Variants in PPFIA4 observed in about 807,000 individuals in gnomAD.
The protein encoded by PPFIA4 is PPFI scaffold protein A4, also known as liprin-alpha-4.
In PPFIA4, 98 loss-of-function variants were observed where a neutral mutation model predicts 145.7. The observed-to-expected ratio is 0.67, with a 90% CI of 0.57 to 0.80. The LOEUF (loss-of-function observed/expected upper bound fraction) is 0.80. Among genes scored for constraint, PPFIA4 ranks in the 30% least tolerant of loss-of-function variants. PPFIA4 has a pLI of 0.00. For synonymous variants in PPFIA4, 628 were observed against 649.6 expected (o/e 0.97, Z 0.51); for missense variants, 1,457 against 1,632.7 (o/e 0.89, Z 1.85).
At chr1:203,028,509 G>C (rs965784141) in intron 1 of PPFIA4, among the ~76,000 whole-genome samples, 4 of 152,156 alleles carry the variant, frequency 2.6e-5, no homozygotes, top group African/African-American at 9.7e-5. Flanking sequence ...TGTTAAGGGG[G>C]TTTTAAGATA....
chr1:203,058,064 G>T (rs1374987522), intron 19 of PPFIA4, among the ~76,000 whole-genome samples: 1 of 152,194 alleles, frequency 6.6e-6, no homozygotes, highest in African/African-American at 2.4e-5. Context: ...GAGTTCCCCT[G>T]AGGCAGTGGG....
intron 28 of PPFIA4, among the ~76,000 whole-genome samples, chr1:203,073,998 T>C (rs1402415923): frequency 6.6e-6 from 1 of 152,150 alleles, no homozygotes; most frequent in East Asian, 1.9e-4. Flanking sequence ...GCTCAGAGGT[T>C]GGTGATACAT....
In PPFIA4 at chr1:203,055,408, G is replaced by C; in HGVS notation, c.1830-24G>C. 6.2e-7 allele frequency: 1 copy of C among 1,612,796 alleles called. No individual in the cohort carries two copies. Among genetic ancestry groups the C allele is most frequent in the Non-Finnish European group, 8.5e-7 (1 of 1,178,898 alleles). Reference sequence around the variant, plus strand: ...TGGTCCTGGCTGGGGCTAGTGGTGAGGTCTGGTTTTGCCTCCCTTCCAGGA... The same window carrying C: ...TGGTCCTGGCTGGGGCTAGTGGTGACGTCTGGTTTTGCCTCCCTTCCAGGA... On this transcript the variant is annotated intron_variant, in intron 15 of 29. Coordinates refer to ENST00000295706, the MANE Select transcript of PPFIA4 (RefSeq NM_001304331.2). This position sits in a 1 kb window ranked among gnomAD's most constrained non-coding sequence, Gnocchi z 4.8.
In PPFIA4 at chr1:203,039,099, G is replaced by A; in HGVS notation, c.91G>A (p.Val31Met). The change falls in exon 2 of 30, where the codon GTG (valine) becomes ATG (methionine). Residue 31 changes from valine (V) to methionine (M), a missense_variant. This residue lies in a region of PPFIA4 where 463 missense variants were observed against 459.8 expected (regional missense o/e 1.01). Coordinates refer to ENST00000295706, the MANE Select transcript of PPFIA4 (RefSeq NM_001304331.2). Reference protein sequence around the residue: ...DADANFEQLMVNMLDEREKLL... With the variant: ...DADANFEQLMMNMLDEREKLL... ...TGACGCCAACTTCGAGCAGCTGATG[G>A]TGAACATGCTGGACGAGCGGGAGAA... is the stretch of plus-strand genomic sequence containing the variant. 1.2e-6 allele frequency: 2 copies of A among 1,608,122 alleles called. No homozygotes were observed. The highest frequency in any genetic ancestry group is 1.7e-6 in the Non-Finnish European group (2 of 1,177,708).
rs974332656 is a variant in PPFIA4, at chr1:203,048,638, T to A, written c.1280T>A (p.Val427Glu). 6.2e-7 allele frequency: 1 copy of A among 1,603,952 alleles called. No homozygotes were observed. Among genetic ancestry groups the A allele is most frequent in the Non-Finnish European group, 8.5e-7 (1 of 1,176,292 alleles). ...CACAACAAGCGGCTGTCGGACACAG[T>A]GGACCGGCTGCTCAGCGAGTCCAAC... Reference protein sequence around the residue: ...EDHNKRLSDTVDRLLSESNER... With the variant: ...EDHNKRLSDTEDRLLSESNER... The change falls in exon 11 of 30, where the codon GTG (valine) becomes GAG (glutamate). Residue 427 changes from valine (V) to glutamate (E), a missense_variant. Physicochemically the swap from Val to Glu is moderately radical, Grantham distance 121. This residue lies in a region of PPFIA4 where 848 missense variants were observed against 1,046.7 expected (regional missense o/e 0.81). Coordinates refer to ENST00000295706, the MANE Select transcript of PPFIA4 (RefSeq NM_001304331.2). This position sits in a 1 kb window ranked among gnomAD's most constrained non-coding sequence, Gnocchi z 5.8.
intron 6 of PPFIA4, 119 bp downstream of exon 6, chr1:203,044,904 G>C (rs368829275): frequency 4.0e-5 from 33 of 832,126 alleles, no homozygotes; most frequent in African/African-American, 3.7e-4. Flanking sequence ...GGCTTTCTCT[G>C]ATATTCCCCC....
intron 27 of PPFIA4, among the ~76,000 whole-genome samples, chr1:203,069,654 A>G (rs1173245428): frequency 6.6e-6 from 1 of 151,538 alleles, no homozygotes; most frequent in Middle Eastern, 3.2e-3. Context: ...GGCTTGAATG[A>G]GGGTAGGGCT....
At chr1:203,061,215 C>T (rs145206700) in intron 23 of PPFIA4, among the ~76,000 whole-genome samples, 183 bp downstream of exon 23, 61 of 152,154 alleles carry the variant, frequency 4.0e-4, no homozygotes, top group Middle Eastern at 6.8e-3. Flanking sequence ...AGGCTGGGAG[C>T]GGAGCAGTTT....
chr1:203,044,161 C>T lies in PPFIA4; in HGVS notation c.501+66C>T. 3 of 1,478,302 alleles carry T rather than the reference C, an allele frequency of 2.0e-6. No individual in the cohort carries two copies. The South Asian group carries it at 4.0e-5, about 20-fold the overall frequency. The allele number at this position is 1,478,302 out of a possible 1,614,324, so 91.6% of individuals were successfully genotyped here. On this transcript the variant is annotated intron_variant, in intron 4 of 29. Coordinates refer to ENST00000295706, the MANE Select transcript of PPFIA4 (RefSeq NM_001304331.2). ...CCCTGGAGCCTCCCATGTATCCCTT[C>T]TCTGAGATTTCCACATCCGGTATTT...
chr1:203,067,059 G>C (rs143666192), intron 25 of PPFIA4, among the ~76,000 whole-genome samples: 4 of 152,324 alleles, frequency 2.6e-5, no homozygotes, highest in Non-Finnish European at 4.4e-5. Context: ...GACTGAGAAG[G>C]TGACATTTAA....
At chr1:203,049,552 T>C (rs1054360759) in intron 12 of PPFIA4, 124 bp from the exon 13 acceptor site, 8 of 841,960 alleles carry the variant, frequency 9.5e-6, no homozygotes, top group African/African-American at 1.8e-5. Context: ...CTTTGGACTT[T>C]GCAGTACATT....
rs752558548 is a variant in PPFIA4 at position 203,068,807 on chromosome 1, C to T, written c.3324+179C>T. Among the ~76,000 whole-genome samples, 3 of 152,172 alleles carry T rather than the reference C, an allele frequency of 2.0e-5. No individual in the cohort carries two copies. The highest frequency in any genetic ancestry group is 4.4e-5 in the Non-Finnish European group (3 of 68,024). ...CAAGTGATCGCTGTGCATAAGCAAG[C>T]CCTCATGGGAACACATGGCCTTCAC... On this transcript the variant is annotated intron_variant, in intron 27 of 29. Coordinates refer to ENST00000295706, the MANE Select transcript of PPFIA4 (RefSeq NM_001304331.2). The surrounding 1 kb of genome is among the most constrained non-coding windows in gnomAD (Gnocchi z 4.7).
In PPFIA4 at chr1:203,056,959, C is replaced by T. The variant is rs772686579; in HGVS notation, c.2407+9C>T. 10 of 1,613,642 alleles carry T rather than the reference C, an allele frequency of 6.2e-6. 1 individual carries two copies. The South Asian group carries it at 1.1e-4, about 18-fold the overall frequency. On this transcript the variant is annotated intron_variant, in intron 19 of 29. Transcript: ENST00000295706. ...TGGAGCCACAGGCCATGGTCTCTGT[C>T]CCCTTCCTAACGGAGGTCTGGGCGG...
chr1:203,073,432 G>A lies in PPFIA4; in HGVS notation c.3393+1672G>A, dbSNP rs149686633. 6.4e-3 allele frequency among the ~76,000 whole-genome samples: 975 copies of A among 152,300 alleles called. 15 individuals are homozygous for A. Among genetic ancestry groups the A allele is most frequent in the African/African-American group, 0.022 (933 of 41,550 alleles). ...AGTGGAGTTTTTGGGATTCAACTAGGTGTGGGCTAGAGAGGAGGGTTTTTG... is the reference window on the plus strand; with the variant it reads ...AGTGGAGTTTTTGGGATTCAACTAGATGTGGGCTAGAGAGGAGGGTTTTTG... On this transcript the variant is annotated intron_variant, in intron 28 of 29. Coordinates refer to ENST00000295706, the MANE Select transcript of PPFIA4 (RefSeq NM_001304331.2).
At chr1:203,035,142 C>G in intron 1 of PPFIA4, 2 of 364,576 alleles carry the variant, frequency 5.5e-6, no homozygotes, top group South Asian at 4.0e-5. Flanking sequence ...CCTCTCACCT[C>G]CAGCTGGGTG....
At chr1:203,034,148 G>C (rs999232958) in intron 1 of PPFIA4, among the ~76,000 whole-genome samples, 1 of 152,206 alleles carries the variant, frequency 6.6e-6, no homozygotes, top group Non-Finnish European at 1.5e-5. Flanking sequence ...TCACACACTG[G>C]AGGGATCAGA....
Position 203,048,743 on chromosome 1 carries a change from A to C in PPFIA4, c.1356+29A>C. 3 of 1,403,738 alleles carry C rather than the reference A, an allele frequency of 2.1e-6. No individual in the cohort carries two copies. Among genetic ancestry groups the C allele is most frequent in the South Asian group, 2.4e-5 (2 of 84,638 alleles). 87.0% of individuals were successfully genotyped at this position (1,403,738 alleles called of 1,614,324 possible). A position where few individuals can be genotyped will look rare whatever the true frequency, so the allele number is the denominator to read the frequency against. On this transcript the variant is annotated intron_variant, in intron 11 of 29. Coordinates refer to ENST00000295706, the MANE Select transcript of PPFIA4 (RefSeq NM_001304331.2). The surrounding 1 kb of genome is among the most constrained non-coding windows in gnomAD (Gnocchi z 5.8). Reference sequence around the variant, plus strand: ...CCCAGAGGGGCGGGGTTGGGATGCGAGAGGTTAGTGCTGGGTGTGGGGCGG... The same window carrying C: ...CCCAGAGGGGCGGGGTTGGGATGCGCGAGGTTAGTGCTGGGTGTGGGGCGG...
At chr1:203,059,954 T>G in intron 21 of PPFIA4, 103 bp downstream of exon 21, 2 of 1,011,558 alleles carry the variant, frequency 2.0e-6, no homozygotes, top group Non-Finnish European at 1.5e-6. Context: ...GTTTCTCCCC[T>G]GCCAAGTGGA....
intron 27 of PPFIA4, among the ~76,000 whole-genome samples, chr1:203,070,363 T>A (rs772357631): frequency 6.6e-6 from 1 of 152,120 alleles, no homozygotes; most frequent in Non-Finnish European, 1.5e-5. Context: ...GGAGGATTGC[T>A]TGAGGCCAGG....
Sources: allele counts gnomAD v4.1 joint callset (sites outside exome capture counted in the v4.1 genomes callset), GRCh38; gene constraint gnomAD v4.1.1; regional missense constraint gnomAD v4.1.1; non-coding constraint Gnocchi (gnomAD v3.1); transcripts MANE v1.5; gene names NCBI Gene and HGNC (gene_info 2026-07-23, HGNC 2026-07-21).